ANKRD12: variants seen among roughly 807,000 people sequenced by gnomAD.
ANKRD12 encodes the protein ankyrin repeat domain 12.
A neutral mutation model predicts 183.4 loss-of-function variants in ANKRD12; 85 were observed. The observed-to-expected ratio is 0.46, with a 90% confidence interval of 0.39 to 0.56. The LOEUF (loss-of-function observed/expected upper bound fraction) is 0.56. ANKRD12 is among the 20% of genes least tolerant of loss of function. The pLI, the probability that ANKRD12 is intolerant of heterozygous loss-of-function variation, is 0.00. For missense variants in ANKRD12, 2,405 were observed against 2,357.1 expected, an observed-to-expected ratio of 1.02 and a Z score of -0.42; for synonymous variants, 914 against 800.2, an observed-to-expected ratio of 1.14 and a Z score of -2.40.
At chr18:9,269,788 A>G (rs1037174219) in intron 10 of ANKRD12, among the ~76,000 whole-genome samples, 3 of 152,232 alleles carry the variant, frequency 2.0e-5, no homozygotes, top group African/African-American at 7.2e-5. Context: ...ATTAAACTAA[A>G]GAGCTTCTGC....
intron 1 of ANKRD12, among the ~76,000 whole-genome samples, chr18:9,161,746 G>A (rs2031454085): frequency 6.7e-6 from 1 of 149,048 alleles, no homozygotes; most frequent in African/African-American, 2.5e-5. Context: ...TGATGTGTGT[G>A]TGTGTGTATA....
intron 1 of ANKRD12, among the ~76,000 whole-genome samples, chr18:9,154,938 T>C (rs374513904): frequency 1.1e-4 from 16 of 152,326 alleles, no homozygotes; most frequent in East Asian, 1.9e-4. Flanking sequence ...ATCTGGAGTT[T>C]TAGAGAAGGT....
At chr18:9,204,292 G>T (rs1450160158) in intron 3 of ANKRD12, among the ~76,000 whole-genome samples, 184 bp from the exon 4 acceptor site, 4 of 152,198 alleles carry the variant, frequency 2.6e-5, no homozygotes, top group Non-Finnish European at 4.4e-5. Flanking sequence ...TGAAAAATTT[G>T]AAATATTAGG....
At chr18:9,177,491 T>G (rs1393667649) in intron 1 of ANKRD12, among the ~76,000 whole-genome samples, 1 of 152,226 alleles carries the variant, frequency 6.6e-6, no homozygotes, top group African/African-American at 2.4e-5. Flanking sequence ...ATCTGATGTT[T>G]TGTTCTGTGC....
intron 1 of ANKRD12, among the ~76,000 whole-genome samples, chr18:9,142,715 C>T (rs566318241): frequency 1.3e-5 from 2 of 152,238 alleles, no homozygotes; most frequent in African/African-American, 4.8e-5. Context: ...AACCCCCTCT[C>T]TACTAAAGAA....
At chr18:9,243,251 A>G (rs2037762070) in intron 8 of ANKRD12, among the ~76,000 whole-genome samples, 1 of 152,214 alleles carries the variant, frequency 6.6e-6, no homozygotes, top group Non-Finnish European at 1.5e-5. Context: ...GTCCTGCTGC[A>G]GATGTGAAAT....
intron 11 of ANKRD12, among the ~76,000 whole-genome samples, chr18:9,277,453 G>A (rs547112363): frequency 4.7e-5 from 7 of 148,902 alleles, no homozygotes; most frequent in African/African-American, 1.5e-4. Flanking sequence ...TCAGCCTCCC[G>A]AGTAGCTGGG....
chr18:9,260,454 T>G (rs1461070617), intron 9 of ANKRD12: 1 of 152,196 alleles, frequency 6.6e-6, no homozygotes, highest in Non-Finnish European at 1.5e-5. Context: ...AATGCTGCCA[T>G]TTTTCCAGAG....
chr18:9,150,032 G>A (rs1294841324), intron 1 of ANKRD12, among the ~76,000 whole-genome samples: 3 of 151,958 alleles, frequency 2.0e-5, no homozygotes, highest in Admixed American at 6.6e-5. Context: ...CCTGACCTCA[G>A]GTGATCTCGC....
chr18:9,227,080 CAGAAG>C (rs964676454), intron 8 of ANKRD12, among the ~76,000 whole-genome samples: 7 of 152,056 alleles, frequency 4.6e-5, no homozygotes, highest in African/African-American at 1.7e-4. Context: ...ACTGTGGTGA[CAGAAG>C]AGAATATTCT....
At chr18:9,279,745 T>G in intron 12 of ANKRD12, 101 bp downstream of exon 12, 276 of 577,278 alleles carry the variant, frequency 4.8e-4, no homozygotes, top group Non-Finnish European at 5.9e-4. Context: ...GGAGGGGAAA[T>G]ACTGGTTAGT....
rs144264961 is a variant in ANKRD12, at chr18:9,247,562, T to G, written c.944-6649T>G. ...ATTATCATATTTAGGCTAATTAATT[T>G]TTATCATCTTAAAATTTCTAGTTCT... is the stretch of plus-strand genomic sequence containing the variant. On this transcript the variant is annotated intron_variant, in intron 8 of 12. Coordinates refer to ENST00000262126, the MANE Select transcript of ANKRD12 (RefSeq NM_015208.5). Among the ~76,000 whole-genome samples the G allele has an allele frequency of 2.6e-4, 39 of 152,320 alleles. No homozygotes were observed. The East Asian group carries it at 6.7e-3, about 26-fold the overall frequency.
rs1001119586 is a variant in ANKRD12, at chr18:9,258,844, A to G, written c.5577A>G (p.Gln1859=). ...AATTACTGTGTAGTGTGATTCCTCA[A>G]GCACCTCAGTACTATGACGAATATG... is the stretch of plus-strand genomic sequence containing the variant. The part of the protein sequence containing the change: ...KRKLLCSVIP[Q]APQYYDEYVT... The change falls in exon 9 of 13, where the codon CAA becomes CAG. Residue 1859 remains glutamine (Q), a synonymous_variant. Coordinates refer to ENST00000262126, the MANE Select transcript of ANKRD12 (RefSeq NM_015208.5). 18 of 1,613,846 alleles carry G rather than the reference A, an allele frequency of 1.1e-5. No individual in the cohort carries two copies. Among genetic ancestry groups the G allele is most frequent in the East Asian group, 4.5e-5 (2 of 44,890 alleles).
intron 1 of ANKRD12, among the ~76,000 whole-genome samples, chr18:9,173,765 G>A (rs560595602): frequency 1.1e-4 from 17 of 152,304 alleles, no homozygotes; most frequent in African/African-American, 4.1e-4. Flanking sequence ...TTGCTTTTTG[G>A]TAGATCAGGT....
At chr18:9,157,360 A>G (rs2030643505) in intron 1 of ANKRD12, among the ~76,000 whole-genome samples, 1 of 152,050 alleles carries the variant, frequency 6.6e-6, no homozygotes, top group African/African-American at 2.4e-5. Flanking sequence ...CAGCATCACA[A>G]GAGAGTATAC....
At chr18:9,146,295 G>A (rs1198944708) in intron 1 of ANKRD12, among the ~76,000 whole-genome samples, 4 of 152,188 alleles carry the variant, frequency 2.6e-5, no homozygotes, top group Non-Finnish European at 4.4e-5. Flanking sequence ...TGGCACAGTG[G>A]CACATGCCTG....
chr18:9,231,379 C>T (rs1598630256), intron 8 of ANKRD12, among the ~76,000 whole-genome samples: 3 of 152,048 alleles, frequency 2.0e-5, no homozygotes, highest in South Asian at 4.2e-4. Flanking sequence ...TTGGAGTCTT[C>T]CTTTGTATCT....
chr18:9,164,745 G>C (rs1031111584), intron 1 of ANKRD12, among the ~76,000 whole-genome samples: 28 of 152,166 alleles, frequency 1.8e-4, no homozygotes, highest in African/African-American at 6.3e-4. Context: ...TGATTGTGCT[G>C]TGTTCTAAGA....
intron 8 of ANKRD12, among the ~76,000 whole-genome samples, chr18:9,237,482 CA>C (rs1222416972): frequency 1.3e-5 from 2 of 151,956 alleles, no homozygotes; most frequent in Non-Finnish European, 2.9e-5. Flanking sequence ...TTTTTAGGGG[CA>C]AAAAATATAG....
Sources: allele counts gnomAD v4.1 joint callset (sites outside exome capture counted in the v4.1 genomes callset), GRCh38; gene constraint gnomAD v4.1.1; transcripts MANE v1.5; gene names NCBI Gene and HGNC (gene_info 2026-07-23, HGNC 2026-07-21).